CYP24A1: variants seen among roughly 807,000 people sequenced by gnomAD.
CYP24A1 encodes the protein 1,25-dihydroxyvitamin D(3) 24-hydroxylase, mitochondrial.
Under a neutral mutation model 62.4 loss-of-function variants are expected in CYP24A1, and 68 were observed. The ratio of observed to expected loss-of-function variants is 1.09; its 90% confidence interval spans 0.90 to 1.33. The LOEUF (loss-of-function observed/expected upper bound fraction) is 1.33, where lower values mean the gene tolerates loss of function less well. CYP24A1 is among the 40% of genes most tolerant of loss of function. CYP24A1 has a pLI of 0.00. For synonymous variants in CYP24A1, 267 were observed against 253.0 expected (o/e 1.06, Z -0.52); for missense variants, 787 against 653.0 (o/e 1.21, Z -2.24).
intron 11 of CYP24A1, 30 bp from the exon 12 acceptor site, chr20:54,154,791 T>A (rs2092620983): frequency 6.6e-6 from 1 of 152,150 alleles, no homozygotes; most frequent in African/African-American, 2.4e-5. Flanking sequence ...TCTGGAACAA[T>A]TTTGCAGAAG....
At position 54,154,080 on chromosome 20, in the gene CYP24A1, C is replaced by T. The variant is rs1207542589; in HGVS notation, c.*692G>A. The T allele has an allele frequency of 1.3e-5, 2 of 152,152 alleles. No individual in the cohort carries two copies. Among genetic ancestry groups the T allele is most frequent in the African/African-American group, 4.8e-5 (2 of 41,432 alleles). 9.4% of individuals were successfully genotyped at this position (152,152 alleles called of 1,614,324 possible). On this transcript the variant is annotated 3_prime_UTR_variant, in exon 12 of 12. Coordinates refer to ENST00000216862, the MANE Select transcript of CYP24A1 (RefSeq NM_000782.5). ...ACGGACACACACACACAGACACACA[C>T]ACACATGCATGTCTGTGCTTCATAT...
At chr20:54,167,859 T>C (rs548167394) in intron 4 of CYP24A1, among the ~76,000 whole-genome samples, 51 of 152,302 alleles carry the variant, frequency 3.3e-4, no homozygotes, top group African/African-American at 1.2e-3. Context: ...TAGGTTTTCC[T>C]TCTATCCCTC....
In CYP24A1 at chr20:54,171,571, G is replaced by T; in HGVS notation, c.543+6C>A. The T allele has an allele frequency of 8.7e-6, 14 of 1,613,914 alleles. No homozygotes were observed. The highest frequency in any genetic ancestry group is 1.2e-5 in the Non-Finnish European group (14 of 1,179,856). On this transcript the variant is annotated splice_donor_region_variant and intron_variant, in intron 3 of 11. Transcript: ENST00000216862. ...GCCCCAGGAAAGCTGGCCCCAGCCT[G>T]CAGACCTCATTGATTTTGTTGTCCA... is the stretch of plus-strand genomic sequence containing the variant.
In CYP24A1 at chr20:54,162,543, C is replaced by T. The variant is rs6127119; in HGVS notation, c.990+174G>A. On this transcript the variant is annotated intron_variant, in intron 7 of 11. Transcript: ENST00000216862. ...GAGGCCGTGCGCTGAGGCACCGTGG[C>T]ATAGATGCTGTGCGCGGAGGCACCG... 144,916 of 593,070 alleles carry T rather than the reference C, an allele frequency of 0.24. 20,429 individuals are homozygous for T. The highest frequency in any genetic ancestry group is 0.42 in the East Asian group (13,662 of 32,260). 36.7% of individuals were successfully genotyped at this position (593,070 alleles called of 1,614,324 possible).
Position 54,162,220 on chromosome 20 carries a change from CTTTTTTTTTTTTTT to C in CYP24A1, c.990+483_990+496del, listed in dbSNP as rs530338632. Among the ~76,000 whole-genome samples, 37 of 72,548 alleles carry C rather than the reference CTTTTTTTTTTTTTT, an allele frequency of 5.1e-4. 1 individual carries two copies. Among genetic ancestry groups the C allele is most frequent in the African/African-American group, 1.7e-3 (27 of 15,876 alleles). The allele number at this position is 72,548 out of a possible 152,430, so 47.6% of individuals were successfully genotyped here. A position where few individuals can be genotyped will look rare whatever the true frequency, so the allele number is the denominator to read the frequency against. ...ATTATTGGCTTGAAAGAGAGTATGCCTTTTTTTTTTTTTTTTTTTTTTTTTTTTTTTTTTACAGT... is the reference window on the plus strand; with the variant it reads ...ATTATTGGCTTGAAAGAGAGTATGCCTTTTTTTTTTTTTTTTTTTTACAGT... On this transcript the variant is annotated intron_variant, in intron 7 of 11. Transcript: ENST00000216862.
intron 3 of CYP24A1, among the ~76,000 whole-genome samples, chr20:54,171,182 T>G (rs2092692481): frequency 6.6e-6 from 1 of 152,212 alleles, no homozygotes; most frequent in African/African-American, 2.4e-5. Flanking sequence ...TGTTATCTCA[T>G]TTAATTCTCA....
At chr20:54,160,265 T>C (rs1359030006) in intron 7 of CYP24A1, among the ~76,000 whole-genome samples, 1 of 152,252 alleles carries the variant, frequency 6.6e-6, no homozygotes, top group Non-Finnish European at 1.5e-5. Flanking sequence ...TTTTATTTCC[T>C]CTGCACAGGC....
intron 4 of CYP24A1, among the ~76,000 whole-genome samples, chr20:54,166,900 A>G (rs1381229854): frequency 2.0e-5 from 3 of 151,974 alleles, no homozygotes; most frequent in Admixed American, 2.0e-4. Context: ...TTATTCAGGC[A>G]TGGCTACATG....
intron 11 of CYP24A1, among the ~76,000 whole-genome samples, chr20:54,156,628 G>A (rs2092628924): frequency 6.6e-6 from 1 of 152,216 alleles, no homozygotes. Context: ...AGCCTCATCA[G>A]ACTTCTGACC....
At position 54,162,705 on chromosome 20, in the gene CYP24A1, G is replaced by T; in HGVS notation, c.990+12C>A. The stretch of plus-strand genomic sequence containing the variant: ...CGTTCATTTAGCAAACTCAAATCCA[G>T]CCCACCCTTACCGTTTCCACCGCAG... On this transcript the variant is annotated intron_variant, in intron 7 of 11. Transcript: ENST00000216862. 6.4e-7 allele frequency: 1 copy of T among 1,567,972 alleles called. No individual in the cohort carries two copies. Among genetic ancestry groups the T allele is most frequent in the Non-Finnish European group, 8.8e-7 (1 of 1,138,392 alleles).
rs1240006247 is a variant in CYP24A1, at chr20:54,164,473, A to G, written c.823T>C (p.Trp275Arg). Residue 275 changes from tryptophan to arginine, a missense_variant, in exon 6 of 12, where the codon TGG (tryptophan) becomes CGG (arginine). Trp to Arg is a moderately radical substitution (Grantham distance 101). Transcript: ENST00000216862. Reference sequence around the variant, plus strand: ...TTACCTGATTTGAAAATGGTGTCCCAGGCCAGAGTGTGGTCCTGCCAGACC... The same window carrying G: ...TTACCTGATTTGAAAATGGTGTCCCGGGCCAGAGTGTGGTCCTGCCAGACC... Reference protein sequence around the residue: ...TKVWQDHTLAWDTIFKSVKAC... With the variant: ...TKVWQDHTLARDTIFKSVKAC... 4 of 1,614,060 alleles carry G rather than the reference A, an allele frequency of 2.5e-6. No individual in the cohort carries two copies. Among genetic ancestry groups the G allele is most frequent in the Non-Finnish European group, 2.5e-6 (3 of 1,180,040 alleles).
At chr20:54,161,525 C>G (rs1022024881) in intron 7 of CYP24A1, among the ~76,000 whole-genome samples, 2 of 152,114 alleles carry the variant, frequency 1.3e-5, no homozygotes, top group Non-Finnish European at 2.9e-5. Context: ...CCCAGGCATA[C>G]AGTAGGCACT....
the CYP24A1 span, among the ~76,000 whole-genome samples, chr20:54,144,485 G>A: frequency 1.3e-5 from 2 of 151,576 alleles, 1 homozygote; most frequent in Admixed American, 1.3e-4. Context: ...GAATTCCTGG[G>A]CTAAGGTGAT....
the CYP24A1 span, among the ~76,000 whole-genome samples, chr20:54,147,452 G>A: frequency 1.3e-5 from 2 of 152,172 alleles, no homozygotes; most frequent in African/African-American, 2.4e-5. Context: ...CAATGTTGGG[G>A]ACCGAAGCTC....
At chr20:54,161,391 C>T (rs2092649795) in intron 7 of CYP24A1, among the ~76,000 whole-genome samples, 5 of 152,178 alleles carry the variant, frequency 3.3e-5, no homozygotes, top group Admixed American at 1.3e-4. Flanking sequence ...ACACCACTAT[C>T]TAAAGTGACC....
the CYP24A1 span, among the ~76,000 whole-genome samples, chr20:54,148,140 C>T: frequency 6.6e-6 from 1 of 151,960 alleles, no homozygotes; most frequent in Admixed American, 6.6e-5. Flanking sequence ...CCGGCCTGCA[C>T]CCAGTTCTTA....
At position 54,173,423 on chromosome 20, in the gene CYP24A1, G is replaced by T; in HGVS notation, c.157C>A (p.Gln53Lys). 1 of 1,572,618 alleles carries T rather than the reference G, an allele frequency of 6.4e-7. No homozygotes were observed. The highest frequency in any genetic ancestry group is 2.4e-5 in the East Asian group (1 of 42,524). The change falls in exon 1 of 12, where the codon CAG (glutamine) becomes AAG (lysine). Residue 53 changes from glutamine to lysine, a missense_variant. Coordinates refer to ENST00000216862, the MANE Select transcript of CYP24A1 (RefSeq NM_000782.5). The surrounding 1 kb of genome is among the most constrained non-coding windows in gnomAD (Gnocchi z 7.2). ...GGGCCCGGCAGGGCGGCCGCGTTCT[G>T]AGTCTCGCCACCAGCTGTCAGCGGG... Reference protein sequence around the residue: ...VCPLTAGGETQNAAALPGPTS... With the variant: ...VCPLTAGGETKNAAALPGPTS...
In CYP24A1 at chr20:54,164,532, G is replaced by A; in HGVS notation, c.764C>T (p.Thr255Ile). Residue 255 changes from threonine to isoleucine, a missense_variant, in exon 6 of 12, where the codon ACT becomes ATT. Transcript: ENST00000216862. ...GAGGCTCTTGTGCAGCTCGACTGGA[G>A]TGACCATCATCCTCCCAAACGTGCT... The part of the protein sequence containing the change: ...MMSTFGRMMV[T>I]PVELHKSLNT... The A allele has an allele frequency of 6.2e-7, 1 of 1,614,174 alleles. No homozygotes were observed. Among genetic ancestry groups the A allele is most frequent in the Admixed American group, 1.7e-5 (1 of 60,032 alleles).
chr20:54,167,489 TAGTC>T (rs1568972291), intron 4 of CYP24A1, among the ~76,000 whole-genome samples: 1 of 151,878 alleles, frequency 6.6e-6, no homozygotes, highest in Non-Finnish European at 1.5e-5. Flanking sequence ...ACACAAAAGT[TAGTC>T]AGGCGTGGTA....
Sources: gnomAD v4.1 joint callset for allele counts (sites outside exome capture counted in the v4.1 genomes callset) on GRCh38, gnomAD v4.1.1 for gene constraint, Gnocchi (gnomAD v3.1) non-coding constraint, MANE v1.5 for transcripts, NCBI Gene and HGNC (gene_info 2026-07-23, HGNC 2026-07-21) for gene names.